SLC3A1: variants seen among roughly 807,000 people sequenced by gnomAD.
The protein encoded by SLC3A1 is solute carrier family 3 member 1.
A neutral mutation model predicts 60.3 loss-of-function variants in SLC3A1; 78 were observed. The ratio of observed to expected loss-of-function variants is 1.29; its 90% confidence interval spans 1.08 to 1.56. The LOEUF is 1.56. Among genes scored for constraint, SLC3A1 ranks in the 40% most tolerant of loss-of-function variants. The pLI is 0.00. For synonymous variants in SLC3A1, 392 were observed against 307.9 expected, an observed-to-expected ratio of 1.27 and a Z score of -2.86; for missense variants, 1,172 against 858.9, an observed-to-expected ratio of 1.36 and a Z score of -4.56.
rs1468087936 is a variant in SLC3A1, at chr2:44,320,402, A to C, written c.1821A>C (p.Leu607=). 1 of 1,614,032 alleles carries C rather than the reference A, an allele frequency of 6.2e-7. No individual in the cohort carries two copies. The highest frequency in any genetic ancestry group is 2.2e-5 in the East Asian group (1 of 44,884). ...LNFGESTLLN[L]HNMISGLPAK... ...TTGGAGAATCAACACTGTTAAATCT[A>C]CATAATATGATTTCGGGCCTTCCCG... The change falls in exon 10 of 10, where the codon CTA becomes CTC. Residue 607 remains leucine (L), a synonymous_variant. Coordinates refer to ENST00000260649, the MANE Select transcript of SLC3A1 (RefSeq NM_000341.4).
At chr2:44,321,939 T>A, downstream of SLC3A1, 4 of 1,580,742 alleles carry the variant, frequency 2.5e-6, no homozygotes, top group African/African-American at 5.4e-5. Context: ...GAAGATTGTA[T>A]GGGATCTTCT....
At chr2:44,281,910 T>G (rs1371776115) in intron 3 of SLC3A1, among the ~76,000 whole-genome samples, 1 of 152,166 alleles carries the variant, frequency 6.6e-6, no homozygotes, top group African/African-American at 2.4e-5. Flanking sequence ...GTTTTGCTCT[T>G]GTCTCCCAGG....
At chr2:44,281,613 A>T in intron 3 of SLC3A1, 72 bp downstream of exon 3, 1 of 1,440,924 alleles carries the variant, frequency 6.9e-7, no homozygotes, top group Non-Finnish European at 9.8e-7. Flanking sequence ...ATTTAGTAAA[A>T]CCCTTTTGAG....
In SLC3A1 at chr2:44,289,493, G is replaced by A. The variant is rs571878272; in HGVS notation, c.891+3336G>A. On this transcript the variant is annotated intron_variant, in intron 4 of 9. Coordinates refer to ENST00000260649, the MANE Select transcript of SLC3A1 (RefSeq NM_000341.4). ...CCCAAAGTGCTGGGATTATAGGCAT[G>A]AGCCACCACACCTGGCCTCTTTTCA... 1.1e-3 allele frequency among the ~76,000 whole-genome samples: 162 copies of A among 152,262 alleles called. 1 individual carries two copies. The highest frequency in any genetic ancestry group is 3.7e-3 in the African/African-American group (154 of 41,556).
At position 44,281,381 on chromosome 2, in the gene SLC3A1, C is replaced by T; in HGVS notation, c.611-6C>T. The stretch of plus-strand genomic sequence containing the variant: ...CCTAGCATTTGAAATGTCTTTTACT[C>T]ATTAGGTTTAAAATTAATCATCGAT... On this transcript the variant is annotated splice_polypyrimidine_tract_variant and splice_region_variant and intron_variant, in intron 2 of 9. Coordinates refer to ENST00000260649, the MANE Select transcript of SLC3A1 (RefSeq NM_000341.4). 1 of 1,608,502 alleles carries T rather than the reference C, an allele frequency of 6.2e-7. No individual in the cohort carries two copies. Among genetic ancestry groups the T allele is most frequent in the Non-Finnish European group, 8.5e-7 (1 of 1,174,996 alleles).
intron 4 of SLC3A1, among the ~76,000 whole-genome samples, chr2:44,296,974 C>G (rs1479384941): frequency 6.6e-6 from 1 of 152,172 alleles, no homozygotes; most frequent in Admixed American, 6.5e-5. Context: ...ATTGTGAGGC[C>G]TCCCCAGCCC....
At chr2:44,298,342 C>G (rs1049639176) in intron 4 of SLC3A1, among the ~76,000 whole-genome samples, 4 of 152,106 alleles carry the variant, frequency 2.6e-5, no homozygotes, top group African/African-American at 9.7e-5. Context: ...CTTACTTATG[C>G]TCCTCTGGCC....
rs1671780684 is a variant in SLC3A1, at chr2:44,293,438, G to C, written c.892-6533G>C. On this transcript the variant is annotated intron_variant, in intron 4 of 9. Transcript: ENST00000260649. The stretch of plus-strand genomic sequence containing the variant: ...ACGCTGAGGCAGGAGAATTGCTTGA[G>C]CCCATGAGGCAGAGGTTGCAGTGAG... Among the ~76,000 whole-genome samples, 3 of 151,910 alleles carry C rather than the reference G, an allele frequency of 2.0e-5. 1 individual carries two copies. Among genetic ancestry groups the C allele is most frequent in the Admixed American group, 2.0e-4 (3 of 15,250 alleles).
intron 4 of SLC3A1, among the ~76,000 whole-genome samples, chr2:44,290,884 G>A (rs1671726932): frequency 6.6e-6 from 1 of 151,950 alleles, no homozygotes; most frequent in African/African-American, 2.4e-5. Context: ...GGTAGCCTGT[G>A]GACTCTCCTC....
intron 9 of SLC3A1, chr2:44,318,770 T>A (rs1042652837): frequency 6.6e-6 from 1 of 152,194 alleles, no homozygotes; most frequent in Non-Finnish European, 1.5e-5. Flanking sequence ...AAATCAGGCT[T>A]GGAAGTATTT....
intron 6 of SLC3A1, among the ~76,000 whole-genome samples, chr2:44,302,407 C>T (rs1572806018): frequency 6.6e-6 from 1 of 152,122 alleles, no homozygotes; most frequent in Admixed American, 6.5e-5. Context: ...TCAACAGAAT[C>T]AATAGGAAGG....
chr2:44,307,778 T>G (rs1672194785), intron 7 of SLC3A1, among the ~76,000 whole-genome samples: 1 of 152,214 alleles, frequency 6.6e-6, no homozygotes, highest in Non-Finnish European at 1.5e-5. Context: ...TTCTGTGGGC[T>G]TTCATGTCAC....
intron 7 of SLC3A1, among the ~76,000 whole-genome samples, chr2:44,304,610 C>T (rs1336680224): frequency 6.6e-6 from 1 of 152,092 alleles, no homozygotes; most frequent in Non-Finnish European, 1.5e-5. Context: ...ACCATAATTT[C>T]TCCCCACATA....
intron 3 of SLC3A1, among the ~76,000 whole-genome samples, chr2:44,283,077 G>A (rs1315865286): frequency 2.0e-5 from 3 of 152,090 alleles, no homozygotes; most frequent in South Asian, 2.1e-4. Flanking sequence ...CCCCTTGCCC[G>A]GGTTTGTGTT....
intron 7 of SLC3A1, among the ~76,000 whole-genome samples, chr2:44,308,371 T>C (rs1672209491): frequency 6.6e-6 from 1 of 152,240 alleles, no homozygotes; most frequent in African/African-American, 2.4e-5. Flanking sequence ...CCATATAAAT[T>C]TTAGAATAGC....
In SLC3A1 at chr2:44,275,514, C is replaced by T. The variant is rs781269576; in HGVS notation, c.-22C>T. ...CCTCCCTTACTGCAGGAAGGCACTC[C>T]GAAGACATAAGTCGGTGAGACATGG... On this transcript the variant is annotated 5_prime_UTR_variant, in exon 1 of 10. Coordinates refer to ENST00000260649, the MANE Select transcript of SLC3A1 (RefSeq NM_000341.4). The T allele has an allele frequency of 4.3e-6, 7 of 1,609,694 alleles. No homozygotes were observed. The highest frequency in any genetic ancestry group is 2.2e-5 in the East Asian group (1 of 44,860).
Position 44,275,549 on chromosome 2 carries a change from A to C in SLC3A1, c.14A>C (p.Lys5Thr). 1 of 1,614,106 alleles carries C rather than the reference A, an allele frequency of 6.2e-7. No homozygotes were observed. Among genetic ancestry groups the C allele is most frequent in the Non-Finnish European group, 8.5e-7 (1 of 1,180,000 alleles). The change falls in exon 1 of 10, where the codon AAA becomes ACA. Residue 5 changes from lysine to threonine, a missense_variant. By Grantham distance (78) the Lys-to-Thr change is moderately conservative. Coordinates refer to ENST00000260649, the MANE Select transcript of SLC3A1 (RefSeq NM_000341.4). ...AGTCGGTGAGACATGGCTGAAGATA[A>C]AAGCAAGAGAGACTCCATCGAGATG... MAEDKSKRDSIEMSM... is the reference protein window; with the variant it reads MAEDTSKRDSIEMSM...
Position 44,321,125 on chromosome 2 carries a change from A to G in SLC3A1, c.*486A>G. The stretch of plus-strand genomic sequence containing the variant: ...CTTCCCTCTACTCCACATCCTTCTA[A>G]GGAGCATGATTTGAAAATTACTTTC... On this transcript the variant is annotated 3_prime_UTR_variant, in exon 10 of 10. Coordinates refer to ENST00000260649, the MANE Select transcript of SLC3A1 (RefSeq NM_000341.4). 1 of 504,510 alleles carries G rather than the reference A, an allele frequency of 2.0e-6. No individual in the cohort carries two copies. Among genetic ancestry groups the G allele is most frequent in the Non-Finnish European group, 3.6e-6 (1 of 278,462 alleles). The allele number at this position is 504,510 out of a possible 1,614,324, so 31.3% of individuals were successfully genotyped here.
At chr2:44,305,427 CTTTTTTTT>C (rs139686441) in intron 7 of SLC3A1, among the ~76,000 whole-genome samples, 1 of 115,894 alleles carries the variant, frequency 8.6e-6, no homozygotes, top group African/African-American at 3.3e-5. Flanking sequence ...TCTTTTCTTA[CTTTTTTTT>C]TTTTTTTTTT....
Sources: allele counts gnomAD v4.1 joint callset (sites outside exome capture counted in the v4.1 genomes callset), GRCh38; gene constraint gnomAD v4.1.1; transcripts MANE v1.5; gene names NCBI Gene and HGNC (gene_info 2026-07-23, HGNC 2026-07-21).